The following UTRN variants were observed in gnomAD, a reference collection of about 807,000 sequenced individuals.
The protein encoded by UTRN is utrophin.
In UTRN, 283 loss-of-function variants were observed where a neutral mutation model predicts 463.9. The observed-to-expected ratio is 0.61, with a 90% CI of 0.55 to 0.67. The LOEUF is 0.67. UTRN is among the 30% of genes least tolerant of loss of function. The pLI is 0.00. For missense variants in UTRN, 3,922 were observed against 4,084.3 expected, an observed-to-expected ratio of 0.96 and a Z score of 1.08; for synonymous variants, 1,442 against 1,431.5, an observed-to-expected ratio of 1.01 and a Z score of -0.17.
At chr6:144,307,953 T>G (rs531899061) in intron 2 of UTRN, among the ~76,000 whole-genome samples, 1 of 152,252 alleles carries the variant, frequency 6.6e-6, no homozygotes, top group East Asian at 1.9e-4. Flanking sequence ...GACTGCCTTT[T>G]GTGTGGGTTC....
intron 53 of UTRN, among the ~76,000 whole-genome samples, chr6:144,720,304 A>C (rs988585380): frequency 1.3e-5 from 2 of 152,216 alleles, no homozygotes; most frequent in Non-Finnish European, 2.9e-5. Context: ...AAGTTGTAGC[A>C]GGTGGGAGAA....
chr6:144,715,947 C>T (rs1381494941), intron 53 of UTRN, among the ~76,000 whole-genome samples: 1 of 151,834 alleles, frequency 6.6e-6, no homozygotes, highest in South Asian at 2.1e-4. Context: ...TGAAAATATT[C>T]CTACTTTAAA....
At position 144,435,978 on chromosome 6, in the gene UTRN, C is replaced by T; in HGVS notation, c.899C>T (p.Thr300Ile). ...EEEHESPRAE[T>I]PSTVTEVDMD... Reference sequence around the variant, plus strand: ...GAGCATGAGAGTCCCCGAGCTGAAACTCCCAGCACTGTCACTGAGGTTGAC... The same window carrying T: ...GAGCATGAGAGTCCCCGAGCTGAAATTCCCAGCACTGTCACTGAGGTTGAC... Residue 300 changes from threonine to isoleucine, a missense_variant, in exon 10 of 75, where the codon ACT becomes ATT. Transcript: ENST00000367545. The T allele has an allele frequency of 1.2e-6, 2 of 1,614,228 alleles. No individual in the cohort carries two copies. The highest frequency in any genetic ancestry group is 1.7e-4 in the Middle Eastern group (1 of 6,058).
chr6:144,528,666 T>C (rs1457855040), intron 41 of UTRN, among the ~76,000 whole-genome samples: 28 of 152,222 alleles, frequency 1.8e-4, no homozygotes, highest in Admixed American at 1.8e-3. Flanking sequence ...TTCAGGTCTC[T>C]CAGCTGTGGA....
Position 144,760,683 on chromosome 6 carries a change from G to C in UTRN, c.8495+2694G>C, listed in dbSNP as rs151213746. Among the ~76,000 whole-genome samples the C allele has an allele frequency of 3.9e-5, 6 of 152,250 alleles. No individual in the cohort carries two copies. In the East Asian group the frequency reaches 1.2e-3, roughly 29 times the overall value. On this transcript the variant is annotated intron_variant, in intron 58 of 74. Transcript: ENST00000367545. ...ATTAATAACCAAGCAAATGGAGAAT[G>C]AAAAAGCTTTTAATATACACTTCCC...
Position 144,474,669 on chromosome 6 carries a change from T to G in UTRN, c.3246T>G (p.Asn1082Lys), listed in dbSNP as rs766078413. ...SLKNMKEIETNLRSGPVAGIK... is the reference protein window; with the variant it reads ...SLKNMKEIETKLRSGPVAGIK... ...AAAACATGAAGGAAATAGAGACTAA[T>G]CTTCGAAGTGGTCCAGTTGCTGGAA... The change falls in exon 25 of 75, where the codon AAT becomes AAG. Residue 1082 changes from asparagine to lysine, a missense_variant. Physicochemically the swap from Asn to Lys is moderately conservative, Grantham distance 94. Coordinates refer to ENST00000367545, the MANE Select transcript of UTRN (RefSeq NM_007124.3). 3 of 1,613,994 alleles carry G rather than the reference T, an allele frequency of 1.9e-6. No individual in the cohort carries two copies. In the Admixed American group the frequency reaches 5.0e-5, roughly 27 times the overall value.
chr6:144,330,678 C>T (rs770230320), intron 2 of UTRN: 36 of 271,314 alleles, frequency 1.3e-4, no homozygotes, highest in Non-Finnish European at 1.9e-4. Context: ...TGTTGTCACA[C>T]GTCTTCAGAT....
intron 68 of UTRN, among the ~76,000 whole-genome samples, chr6:144,827,914 T>C (rs1414529238): frequency 2.0e-5 from 3 of 152,164 alleles, no homozygotes; most frequent in African/African-American, 7.2e-5. Flanking sequence ...CTCCAGCTAA[T>C]GAGAATCCAA....
intron 51 of UTRN, among the ~76,000 whole-genome samples, chr6:144,650,928 A>G (rs1330423361): frequency 6.6e-6 from 1 of 151,944 alleles, no homozygotes; most frequent in African/African-American, 2.4e-5. Flanking sequence ...TAATAATAAT[A>G]ATAATTACTG....
At chr6:144,808,413 G>A (rs1392528477) in intron 65 of UTRN, among the ~76,000 whole-genome samples, 3 of 151,870 alleles carry the variant, frequency 2.0e-5, no homozygotes, top group Admixed American at 1.3e-4. Flanking sequence ...TAATTTCATC[G>A]TGAAAATTAC....
intron 66 of UTRN, among the ~76,000 whole-genome samples, chr6:144,822,310 G>A (rs1049964404): frequency 2.6e-5 from 4 of 152,042 alleles, no homozygotes; most frequent in Non-Finnish European, 4.4e-5. Context: ...CACAGCCAAA[G>A]CATAGGAGAT....
intron 61 of UTRN, 94 bp downstream of exon 61, chr6:144,782,217 CT>C: frequency 9.3e-7 from 1 of 1,076,674 alleles, no homozygotes; most frequent in Non-Finnish European, 1.3e-6. Flanking sequence ...TTAATAAGTG[CT>C]TTCAAATTAC....
intron 65 of UTRN, among the ~76,000 whole-genome samples, chr6:144,804,686 A>G (rs1777989282): frequency 8.2e-6 from 1 of 121,712 alleles, no homozygotes; most frequent in South Asian, 2.5e-4. Context: ...TTAGGATTCT[A>G]CCATTCCAGA....
At chr6:144,657,642 A>T (rs1027616075) in intron 51 of UTRN, among the ~76,000 whole-genome samples, 2 of 152,224 alleles carry the variant, frequency 1.3e-5, no homozygotes, top group Admixed American at 1.3e-4. Context: ...ATAACATATC[A>T]TTCTTGTCTT....
intron 19 of UTRN, among the ~76,000 whole-genome samples, chr6:144,454,661 T>C (rs1788646439): frequency 6.6e-6 from 1 of 152,174 alleles, no homozygotes; most frequent in Non-Finnish European, 1.5e-5. Context: ...TTATGGAAAA[T>C]ATAACTGTAT....
At chr6:144,708,694 C>G (rs1785339693) in intron 53 of UTRN, among the ~76,000 whole-genome samples, 1 of 152,142 alleles carries the variant, frequency 6.6e-6, no homozygotes, top group South Asian at 2.1e-4. Context: ...TGTCTTTGCC[C>G]AGTCATCCAC....
At chr6:144,290,508 A>G (rs1804126348) in intron 1 of UTRN, among the ~76,000 whole-genome samples, 1 of 151,566 alleles carries the variant, frequency 6.6e-6, no homozygotes, top group East Asian at 1.9e-4. Context: ...GTGATTTTCC[A>G]TTCAATTGCA....
intron 21 of UTRN, among the ~76,000 whole-genome samples, chr6:144,459,757 G>T (rs1444907611): frequency 6.6e-6 from 1 of 151,916 alleles, no homozygotes; most frequent in Non-Finnish European, 1.5e-5. Flanking sequence ...TGCCTGGCTG[G>T]TTTTTTATTT....
intron 3 of UTRN, among the ~76,000 whole-genome samples, chr6:144,417,747 T>C (rs1385088205): frequency 1.3e-5 from 2 of 152,232 alleles, no homozygotes; most frequent in Non-Finnish European, 2.9e-5. Flanking sequence ...CCAATTGGTT[T>C]ATTTGTTTAT....
Sources: allele counts gnomAD v4.1 joint callset (sites outside exome capture counted in the v4.1 genomes callset), GRCh38; gene constraint gnomAD v4.1.1; transcripts MANE v1.5; gene names NCBI Gene and HGNC (gene_info 2026-07-23, HGNC 2026-07-21).